The following EFR3B variants were observed in gnomAD, a reference collection of about 807,000 sequenced individuals.
EFR3B encodes the protein protein EFR3 homolog B.
A neutral mutation model predicts 104.7 loss-of-function variants in EFR3B; 64 were observed. That is an observed-to-expected ratio of 0.61 (90% CI 0.50 to 0.75). The LOEUF (loss-of-function observed/expected upper bound fraction) is 0.75, where lower values mean the gene tolerates loss of function less well. Among genes scored for constraint, EFR3B ranks in the 30% least tolerant of loss-of-function variants. The pLI, the probability that EFR3B is intolerant of heterozygous loss-of-function variation, is 0.00. For synonymous variants in EFR3B, 385 were observed against 417.9 expected (o/e 0.92, Z 0.96); for missense variants, 750 against 1,078.5 (o/e 0.70, Z 4.27).
intron 1 of EFR3B, among the ~76,000 whole-genome samples, chr2:25,049,057 T>G (rs779556659): frequency 1.3e-5 from 2 of 152,266 alleles, no homozygotes; most frequent in Non-Finnish European, 2.9e-5. Flanking sequence ...TCAAGGTATA[T>G]AAACATTTTA....
At chr2:25,056,899 G>A (rs1668037183) in intron 1 of EFR3B, among the ~76,000 whole-genome samples, 3 of 152,092 alleles carry the variant, frequency 2.0e-5, no homozygotes, top group Admixed American at 2.0e-4. Context: ...GGAAGAGTTG[G>A]CCATTAGAGC....
chr2:25,059,534 G>A (rs955564181), intron 1 of EFR3B, among the ~76,000 whole-genome samples: 4 of 140,384 alleles, frequency 2.8e-5, no homozygotes, highest in Admixed American at 2.4e-4. Flanking sequence ...AGTCAAATTC[G>A]TAGAGACAGA....
intron 1 of EFR3B, among the ~76,000 whole-genome samples, chr2:25,043,968 C>T (rs1172573044): frequency 2.0e-5 from 3 of 152,090 alleles, no homozygotes; most frequent in Admixed American, 6.5e-5. Flanking sequence ...GTCGTTTACC[C>T]GAGATATCTG....
chr2:25,112,706 G>C lies in EFR3B; in HGVS notation c.363+8919G>C, dbSNP rs77445025. On this transcript the variant is annotated intron_variant, in intron 4 of 22. Coordinates refer to ENST00000403714, the MANE Select transcript of EFR3B (RefSeq NM_014971.2). Reference sequence around the variant, plus strand: ...AATTTGGGCAATGTTCTTTGGTGCTGATTTTTCTACCCAGATTAAGTCTAG... The same window carrying C: ...AATTTGGGCAATGTTCTTTGGTGCTCATTTTTCTACCCAGATTAAGTCTAG... 0.018 allele frequency among the ~76,000 whole-genome samples: 2,783 copies of C among 152,286 alleles called. 238 individuals are homozygous for C. The East Asian group carries it at 0.27, about 15-fold the overall frequency.
rs1413477557 is a variant in EFR3B, at chr2:25,136,581, A to G, written c.1543A>G (p.Thr515Ala). Residue 515 changes from threonine to alanine, a missense_variant, in exon 14 of 23, where the codon ACC (threonine) becomes GCC (alanine). By Grantham distance (58) the Thr-to-Ala change is moderately conservative. Transcript: ENST00000403714. This position sits in a 1 kb window ranked among gnomAD's most constrained non-coding sequence, Gnocchi z 4.0. ...LKVDKCSRQD[T>A]VFMKKHSQQL... is the part of the protein sequence containing the mutation. ...AGTGGACAAGTGCTCTCGACAGGAC[A>G]CCGTCTTCATGAAGAAGGTAAACAA... is the stretch of plus-strand genomic sequence containing the variant. The G allele has an allele frequency of 8.4e-6, 13 of 1,551,144 alleles. No individual in the cohort carries two copies. Among genetic ancestry groups the G allele is most frequent in the Non-Finnish European group, 9.6e-6 (11 of 1,146,812 alleles).
intron 1 of EFR3B, among the ~76,000 whole-genome samples, chr2:25,073,303 G>A (rs558440029): frequency 2.6e-5 from 4 of 151,610 alleles, no homozygotes; most frequent in African/African-American, 7.3e-5. Context: ...ATTCCAAGGC[G>A]TGCTCTCTCT....
intron 19 of EFR3B, among the ~76,000 whole-genome samples, chr2:25,148,918 T>A (rs1263687538): frequency 1.2e-4 from 8 of 64,834 alleles, no homozygotes; most frequent in Non-Finnish European, 2.2e-4. Context: ...CGAGACTCCG[T>A]CTCAAAAAAA....
chr2:25,049,872 T>C lies in EFR3B; in HGVS notation c.7+7553T>C, dbSNP rs1184199780. 2.0e-5 allele frequency among the ~76,000 whole-genome samples: 3 copies of C among 150,008 alleles called. No individual in the cohort carries two copies. In the Admixed American group the frequency reaches 2.0e-4, roughly 10 times the overall value. On this transcript the variant is annotated intron_variant, in intron 1 of 22. Coordinates refer to ENST00000403714, the MANE Select transcript of EFR3B (RefSeq NM_014971.2). ...GCTCAAGCCTGCAATCTCAGCACTT[T>C]GGAAGGCCGAGGTGGGTGGATCACC...
intron 20 of EFR3B, among the ~76,000 whole-genome samples, chr2:25,150,355 C>T (rs963201916): frequency 1.3e-5 from 2 of 149,312 alleles, no homozygotes; most frequent in African/African-American, 2.5e-5. Context: ...GAAAGCAATT[C>T]GGGATAAATT....
intron 1 of EFR3B, among the ~76,000 whole-genome samples, chr2:25,066,771 C>CTG (rs142679558): frequency 2.0e-5 from 3 of 151,844 alleles, no homozygotes; most frequent in South Asian, 2.1e-4. Context: ...GTGTTGCATG[C>CTG]TGTGTGTGTG....
intron 6 of EFR3B, 138 bp from the exon 7 acceptor site, chr2:25,129,837 C>A: frequency 8.8e-7 from 1 of 1,130,688 alleles, no homozygotes; most frequent in Non-Finnish European, 1.2e-6. Flanking sequence ...ACAGCTGTGA[C>A]GCCTCCCCTA....
chr2:25,153,830 CCT>C (rs554861088), intron 22 of EFR3B, 69 bp downstream of exon 22: 2 of 1,437,064 alleles, frequency 1.4e-6, no homozygotes, highest in Non-Finnish European at 1.9e-6. Flanking sequence ...CATCCTGAGT[CCT>C]CTCACCCCTG....
intron 16 of EFR3B, 23 bp from the exon 17 acceptor site, chr2:25,141,343 A>G (rs1304784927): frequency 6.4e-7 from 1 of 1,550,656 alleles, no homozygotes; most frequent in African/African-American, 1.4e-5. Flanking sequence ...ACCAGCTCTT[A>G]TCTGATTCCT....
At chr2:25,061,114 G>A (rs1668180874) in intron 1 of EFR3B, among the ~76,000 whole-genome samples, 1 of 150,596 alleles carries the variant, frequency 6.6e-6, no homozygotes, top group African/African-American at 2.5e-5. Flanking sequence ...TTGGCACCTT[G>A]AATTGGAGGT....
rs189736004 is a variant in EFR3B, at chr2:25,105,537, C to T, written c.363+1750C>T. Among the ~76,000 whole-genome samples, 261 of 152,340 alleles carry T rather than the reference C, an allele frequency of 1.7e-3. 6 individuals are homozygous for T. The highest frequency in any genetic ancestry group is 7.7e-4 in the East Asian group (4 of 5,190). On this transcript the variant is annotated intron_variant, in intron 4 of 22. Coordinates refer to ENST00000403714, the MANE Select transcript of EFR3B (RefSeq NM_014971.2). ...AACCAGAAGAGAGTCTTCCAACTTTCCTTCCAAGGACCAAGAGTAGCAACC... is the reference window on the plus strand; with the variant it reads ...AACCAGAAGAGAGTCTTCCAACTTTTCTTCCAAGGACCAAGAGTAGCAACC...
At chr2:25,046,188 C>G (rs957868401) in intron 1 of EFR3B, among the ~76,000 whole-genome samples, 9 of 152,230 alleles carry the variant, frequency 5.9e-5, no homozygotes, top group Admixed American at 2.6e-4. Context: ...GAATTTGAGA[C>G]CAGCCTGGCC....
chr2:25,074,560 A>G (rs998709713), intron 1 of EFR3B, among the ~76,000 whole-genome samples: 1 of 151,548 alleles, frequency 6.6e-6, no homozygotes, highest in Non-Finnish European at 1.5e-5. Flanking sequence ...GCGAGACTCC[A>G]TCTCAAAAAA....
chr2:25,133,921 C>T (rs1670450419), intron 12 of EFR3B, among the ~76,000 whole-genome samples: 1 of 152,200 alleles, frequency 6.6e-6, no homozygotes, highest in Admixed American at 6.5e-5. Context: ...ATCCATTGCT[C>T]TCAAACACCA....
At chr2:25,138,956 G>T in intron 15 of EFR3B, 103 bp from the exon 16 acceptor site, 1 of 1,458,636 alleles carries the variant, frequency 6.9e-7, no homozygotes. Context: ...GTCTAGGAAA[G>T]CAAGCATTTC....
Sources: allele counts gnomAD v4.1 joint callset (sites outside exome capture counted in the v4.1 genomes callset), GRCh38; gene constraint gnomAD v4.1.1; non-coding constraint Gnocchi (gnomAD v3.1); transcripts MANE v1.5; gene names NCBI Gene and HGNC (gene_info 2026-07-23, HGNC 2026-07-21).